The following SPECC1 variants were observed in gnomAD, a reference collection of about 807,000 sequenced individuals.
SPECC1 encodes the protein sperm antigen with calponin homology and coiled-coil domains 1, also known as cytospin-B.
In SPECC1, 62 loss-of-function variants were observed where a neutral mutation model predicts 104.1. The ratio of observed to expected loss-of-function variants is 0.60; its 90% CI spans 0.49 to 0.74. SPECC1 has a LOEUF of 0.74. SPECC1 is among the 30% of genes least tolerant of loss of function. The pLI is 0.00. For missense variants in SPECC1, 1,306 were observed against 1,310.5 expected (o/e 1.00, Z 0.05); for synonymous variants, 513 against 501.6 (o/e 1.02, Z -0.30).
intron 14 of SPECC1, among the ~76,000 whole-genome samples, chr17:20,311,976 C>T (rs1467740803): frequency 1.3e-5 from 2 of 152,138 alleles, no homozygotes; most frequent in African/African-American, 4.8e-5. Context: ...AAATGTTGAA[C>T]CAGCCTTGTG....
chr17:20,127,811 T>TG (rs985444493), intron 3 of SPECC1, among the ~76,000 whole-genome samples: 5 of 152,080 alleles, frequency 3.3e-5, no homozygotes, highest in African/African-American at 1.2e-4. Flanking sequence ...TGATGGCCCC[T>TG]GTTCTTATCA....
intron 12 of SPECC1, 79 bp from the exon 13 acceptor site, chr17:20,296,882 T>C: frequency 7.5e-7 from 1 of 1,325,274 alleles, no homozygotes; most frequent in Non-Finnish European, 1.1e-6. Context: ...TAGATTCCCA[T>C]CTTATCACAA....
chr17:20,184,637 G>A (rs966371355), intron 3 of SPECC1, among the ~76,000 whole-genome samples: 31 of 152,100 alleles, frequency 2.0e-4, no homozygotes, highest in African/African-American at 7.2e-4. Context: ...TAAAATATTT[G>A]TAGAAACAGG....
chr17:20,012,884 C>G (rs531357738), intron 1 of SPECC1, among the ~76,000 whole-genome samples: 2 of 152,254 alleles, frequency 1.3e-5, no homozygotes, highest in Non-Finnish European at 2.9e-5. Context: ...CACCATTCTG[C>G]TTTTTGTCTC....
At chr17:20,112,366 A>G in intron 3 of SPECC1, 1 of 757,292 alleles carries the variant, frequency 1.3e-6, no homozygotes, top group South Asian at 1.4e-5. Flanking sequence ...CATTGATTGA[A>G]CACCTAGAAA....
chr17:20,281,754 G>C (rs1478733814), intron 12 of SPECC1, among the ~76,000 whole-genome samples: 1 of 152,210 alleles, frequency 6.6e-6, no homozygotes, highest in Non-Finnish European at 1.5e-5. Flanking sequence ...CAGCAAGCAA[G>C]GAGGAAGAGT....
chr17:20,272,050 A>G (rs1056865802), intron 12 of SPECC1, among the ~76,000 whole-genome samples: 1 of 152,104 alleles, frequency 6.6e-6, no homozygotes, highest in Admixed American at 6.5e-5. Flanking sequence ...CCAGGATTCT[A>G]AAATTTCAGG....
chr17:20,054,032 A>G (rs953254213), intron 1 of SPECC1, among the ~76,000 whole-genome samples: 3 of 152,174 alleles, frequency 2.0e-5, no homozygotes, highest in Admixed American at 2.0e-4. Context: ...TCATCTAGGT[A>G]TCTGTTGATT....
At chr17:20,080,234 G>A (rs906042765) in intron 1 of SPECC1, among the ~76,000 whole-genome samples, 2 of 152,158 alleles carry the variant, frequency 1.3e-5, no homozygotes, top group Non-Finnish European at 2.9e-5. Flanking sequence ...TGATCACAAA[G>A]GGATGCTATT....
chr17:20,156,754 C>T (rs768699596), intron 3 of SPECC1, among the ~76,000 whole-genome samples: 14 of 152,212 alleles, frequency 9.2e-5, no homozygotes, highest in African/African-American at 1.2e-4. Flanking sequence ...CCCGTTTTTA[C>T]TTCCTCAGTC....
intron 11 of SPECC1, among the ~76,000 whole-genome samples, chr17:20,258,098 T>C (rs1259710316): frequency 1.3e-5 from 2 of 152,208 alleles, no homozygotes; most frequent in African/African-American, 4.8e-5. Context: ...GTAGTCTTCA[T>C]TGCTAAGGAA....
intron 12 of SPECC1, among the ~76,000 whole-genome samples, chr17:20,273,720 A>G (rs2040485921): frequency 6.6e-6 from 1 of 152,058 alleles, no homozygotes; most frequent in African/African-American, 2.4e-5. Flanking sequence ...TGTGTCTTTG[A>G]GGGATTTTGC....
At chr17:20,065,382 G>T (rs1381760859) in intron 1 of SPECC1, among the ~76,000 whole-genome samples, 1 of 110,468 alleles carries the variant, frequency 9.1e-6, no homozygotes, top group Non-Finnish European at 2.0e-5. Context: ...TCAAGTTGGG[G>T]TTCCCATGAC....
chr17:20,027,002 A>G (rs2044626666), intron 1 of SPECC1, among the ~76,000 whole-genome samples: 1 of 152,128 alleles, frequency 6.6e-6, no homozygotes, highest in Admixed American at 6.6e-5. Context: ...AGGATATCTC[A>G]TAGTGGTCTT....
chr17:20,079,970 A>G (rs1362204600), intron 1 of SPECC1, among the ~76,000 whole-genome samples: 1 of 152,144 alleles, frequency 6.6e-6, no homozygotes, highest in Non-Finnish European at 1.5e-5. Flanking sequence ...CCATGTCTTC[A>G]TTCCTTTCAC....
intron 3 of SPECC1, among the ~76,000 whole-genome samples, chr17:20,199,383 G>GTTTTTT (rs3077216): frequency 1.6e-5 from 1 of 62,432 alleles, no homozygotes; most frequent in Non-Finnish European, 2.6e-5. Flanking sequence ...CACCGTGCTG[G>GTTTTTT]TTTTTTTTTT....
intron 9 of SPECC1, among the ~76,000 whole-genome samples, chr17:20,247,680 G>C (rs1038988920): frequency 6.6e-6 from 1 of 152,078 alleles, no homozygotes; most frequent in African/African-American, 2.4e-5. Flanking sequence ...CATAATATGT[G>C]GTGATTTATT....
intron 3 of SPECC1, among the ~76,000 whole-genome samples, chr17:20,164,609 A>G (rs970320334): frequency 2.0e-5 from 3 of 152,052 alleles, no homozygotes; most frequent in East Asian, 1.9e-4. Context: ...ATATTCTTTA[A>G]CATATTTGGT....
intron 3 of SPECC1, among the ~76,000 whole-genome samples, chr17:20,155,128 G>C (rs1295781442): frequency 5.3e-5 from 8 of 152,172 alleles, no homozygotes; most frequent in Non-Finnish European, 1.2e-4. Context: ...GAGGTCTGTT[G>C]GCTGAGCTTT....
Sources: allele counts gnomAD v4.1 joint callset (sites outside exome capture counted in the v4.1 genomes callset), GRCh38; gene constraint gnomAD v4.1.1; transcripts MANE v1.5; gene names NCBI Gene and HGNC (gene_info 2026-07-23, HGNC 2026-07-21).